CTNND2: variants seen among roughly 807,000 people sequenced by gnomAD.
CTNND2 encodes the protein catenin delta-2.
Under a neutral mutation model 144.4 loss-of-function variants are expected in CTNND2, and 22 were observed. The observed-to-expected ratio is 0.15, with a 90% CI of 0.11 to 0.22. CTNND2 has a LOEUF of 0.22. Ranked by LOEUF, CTNND2 falls within the 10% of genes least tolerant of loss-of-function variation. The pLI is 1.00. For missense variants in CTNND2, 1,353 were observed against 1,618.8 expected, an observed-to-expected ratio of 0.84 and a Z score of 2.82; for synonymous variants, 751 against 695.6, an observed-to-expected ratio of 1.08 and a Z score of -1.25.
At chr5:11,387,224 G>T (rs1759182156) in intron 6 of CTNND2, among the ~76,000 whole-genome samples, 1 of 132,312 alleles carries the variant, frequency 7.6e-6, no homozygotes, top group Middle Eastern at 3.7e-3. Context: ...GGAGGTCCCT[G>T]ATGGTCTTTT....
intron 2 of CTNND2, among the ~76,000 whole-genome samples, chr5:11,717,202 T>C (rs563128999): frequency 7.0e-4 from 106 of 152,134 alleles, no homozygotes; most frequent in African/African-American, 2.4e-3. Flanking sequence ...AATTTTGTTA[T>C]GAAATAGTGA....
intron 2 of CTNND2, among the ~76,000 whole-genome samples, chr5:11,670,260 T>C (rs1379020117): frequency 6.6e-6 from 1 of 152,192 alleles, no homozygotes; most frequent in African/African-American, 2.4e-5. Flanking sequence ...AGATGTTTAT[T>C]AGGTCTACTT....
intron 3 of CTNND2, among the ~76,000 whole-genome samples, chr5:11,436,434 G>A (rs1334249436): frequency 3.3e-5 from 5 of 152,190 alleles, no homozygotes; most frequent in Non-Finnish European, 2.9e-5. Context: ...TGTGATATTG[G>A]AGGAGAGAAA....
chr5:11,744,685 T>TGTTTG (rs1788206786), intron 1 of CTNND2, among the ~76,000 whole-genome samples: 7 of 147,748 alleles, frequency 4.7e-5, no homozygotes, highest in East Asian at 2.0e-4. Context: ...GTGTGTGTGT[T>TGTTTG]TGTGTGTGTG....
At chr5:11,538,879 A>G (rs1278805630) in intron 3 of CTNND2, among the ~76,000 whole-genome samples, 1 of 152,210 alleles carries the variant, frequency 6.6e-6, no homozygotes, top group East Asian at 1.9e-4. Flanking sequence ...CCAGAACACT[A>G]GTAAGATTTT....
intron 16 of CTNND2, among the ~76,000 whole-genome samples, chr5:11,037,607 C>T (rs958526825): frequency 6.6e-6 from 1 of 152,160 alleles, no homozygotes; most frequent in African/African-American, 2.4e-5. Flanking sequence ...ATTACCTCAA[C>T]AAAATGATAC....
rs1188472252 is a variant in CTNND2 at position 11,903,803 on chromosome 5, G to A, written c.37+14C>T. 1 of 1,479,818 alleles carries A rather than the reference G, an allele frequency of 6.8e-7. No homozygotes were observed. The highest frequency in any genetic ancestry group is 8.9e-7 in the Non-Finnish European group (1 of 1,122,136). 91.7% of individuals were successfully genotyped at this position (1,479,818 alleles called of 1,614,324 possible). On this transcript the variant is annotated intron_variant, in intron 1 of 21. Coordinates refer to ENST00000304623, the MANE Select transcript of CTNND2 (RefSeq NM_001332.4). This position sits in a 1 kb window ranked among gnomAD's most constrained non-coding sequence, Gnocchi z 5.4. ...GGCTGCGCCCGGCCCCGGCCGCCCA[G>A]CCCCGCAACTCACCCAAAGGCGCGG...
intron 1 of CTNND2, among the ~76,000 whole-genome samples, chr5:11,798,279 G>T (rs920115227): frequency 5.0e-4 from 76 of 150,810 alleles, no homozygotes; most frequent in Non-Finnish European, 8.1e-4. Context: ...AAAAAAAAAG[G>T]TTTGTGTGTC....
At chr5:11,562,306 C>T (rs1035273993) in intron 3 of CTNND2, among the ~76,000 whole-genome samples, 3 of 152,054 alleles carry the variant, frequency 2.0e-5, no homozygotes, top group African/African-American at 7.2e-5. Context: ...AAAAAGTTGA[C>T]GTTCTATTTT....
chr5:11,036,917 G>A (rs974800780), intron 16 of CTNND2, among the ~76,000 whole-genome samples: 2 of 152,116 alleles, frequency 1.3e-5, no homozygotes, highest in African/African-American at 4.8e-5. Context: ...GCCAAGACAT[G>A]AAAAAATGAA....
At chr5:11,677,749 C>A (rs898435839) in intron 2 of CTNND2, among the ~76,000 whole-genome samples, 1 of 152,072 alleles carries the variant, frequency 6.6e-6, no homozygotes, top group Non-Finnish European at 1.5e-5. Flanking sequence ...CAAGTAAGTT[C>A]TATTTTGATC....
intron 1 of CTNND2, among the ~76,000 whole-genome samples, chr5:11,831,702 C>T (rs1172167009): frequency 2.0e-5 from 3 of 151,824 alleles, no homozygotes; most frequent in South Asian, 2.1e-4. Context: ...AATATTTCCC[C>T]CTCATAAATG....
intron 1 of CTNND2, among the ~76,000 whole-genome samples, chr5:11,847,128 TTATATATATA>T (rs56978156): frequency 0.037 from 2,695 of 72,316 alleles, 70 homozygotes; most frequent in South Asian, 0.097. Context: ...GTCAAAGATT[TTATATATATA>T]TATATATATA....
At chr5:11,435,199 C>T (rs927033288) in intron 3 of CTNND2, among the ~76,000 whole-genome samples, 4 of 151,694 alleles carry the variant, frequency 2.6e-5, no homozygotes, top group South Asian at 2.1e-4. Context: ...AGTACAGTGG[C>T]GCGATCACAG....
intron 19 of CTNND2, among the ~76,000 whole-genome samples, chr5:10,992,292 T>G (rs1273431558): frequency 6.6e-6 from 1 of 152,234 alleles, no homozygotes; most frequent in East Asian, 1.9e-4. Flanking sequence ...GTTTTCTTTA[T>G]ACTCGTTCCT....
chr5:11,776,924 G>T (rs940066272), intron 1 of CTNND2, among the ~76,000 whole-genome samples: 2 of 152,102 alleles, frequency 1.3e-5, no homozygotes, highest in Non-Finnish European at 2.9e-5. Flanking sequence ...CATTAGGCAA[G>T]TTATACTACT....
At chr5:10,980,060 T>A (rs1299212033) in intron 21 of CTNND2, among the ~76,000 whole-genome samples, 1 of 152,166 alleles carries the variant, frequency 6.6e-6, no homozygotes, top group African/African-American at 2.4e-5. Context: ...AAATGGGATC[T>A]AATTAAATTA....
intron 1 of CTNND2, among the ~76,000 whole-genome samples, chr5:11,883,111 T>C (rs1273941128): frequency 6.6e-6 from 1 of 152,188 alleles, no homozygotes; most frequent in Non-Finnish European, 1.5e-5. Flanking sequence ...TTCTGACTGC[T>C]CACTGTTGGG....
intron 1 of CTNND2, among the ~76,000 whole-genome samples, chr5:11,867,730 C>A (rs1290745504): frequency 6.6e-6 from 1 of 152,062 alleles, no homozygotes; most frequent in African/African-American, 2.4e-5. Context: ...AATCACCCAG[C>A]AAATCAGTGA....
Sources: gnomAD v4.1 joint callset for allele counts (sites outside exome capture counted in the v4.1 genomes callset) on GRCh38, gnomAD v4.1.1 for gene constraint, Gnocchi (gnomAD v3.1) non-coding constraint, MANE v1.5 for transcripts, NCBI Gene and HGNC (gene_info 2026-07-23, HGNC 2026-07-21) for gene names.